The following C20orf203 variants were observed in gnomAD, a reference collection of about 807,000 sequenced individuals.
The protein encoded by C20orf203 is uncharacterized protein C20orf203.
A neutral mutation model predicts 15.9 loss-of-function variants in C20orf203; 16 were observed. That is an observed-to-expected ratio of 1.01 (90% CI 0.68 to 1.53). The LOEUF is 1.53. Ranked by LOEUF, C20orf203 falls within the 40% of genes most tolerant of loss-of-function variation. The probability of loss-of-function intolerance (pLI) is 0.00; values close to 1 mark genes in which losing one functional copy is unlikely to be tolerated. For missense variants in C20orf203, 263 were observed against 247.5 expected (o/e 1.06, Z -0.42); for synonymous variants, 98 against 97.2 (o/e 1.01, Z -0.05).
chr20:32,636,629 C>T (rs893175052), intron 5 of C20orf203, among the ~76,000 whole-genome samples: 1 of 152,206 alleles, frequency 6.6e-6, no homozygotes, highest in Non-Finnish European at 1.5e-5. Flanking sequence ...AAGACAGCCT[C>T]GTCCTCACAC....
intron 5 of C20orf203, among the ~76,000 whole-genome samples, chr20:32,635,608 G>T (rs1982117797): frequency 6.6e-6 from 1 of 151,556 alleles, no homozygotes. Context: ...TTGAGCCCAG[G>T]AGTTCAAGAC....
Position 32,650,285 on chromosome 20 carries a change from T to G in C20orf203, c.*147A>C. The G allele has an allele frequency of 1.6e-6, 1 of 635,186 alleles. No homozygotes were observed. Among genetic ancestry groups the G allele is most frequent in the Non-Finnish European group, 2.8e-6 (1 of 360,732 alleles). The allele number at this position is 635,186 out of a possible 1,614,324, so 39.3% of individuals were successfully genotyped here. ...CAAGCGCCGGTGCCCAGAATCTCCT[T>G]GAGGTTTCAGCTGGGCGTGCCGGGC... On this transcript the variant is annotated 3_prime_UTR_variant, in exon 4 of 6. Coordinates refer to ENST00000608990, the MANE Select transcript of C20orf203 (RefSeq NM_182584.4).
intron 1 of C20orf203, among the ~76,000 whole-genome samples, chr20:32,654,092 A>G (rs551133685): frequency 0.021 from 3,024 of 146,188 alleles, 116 homozygotes; most frequent in African/African-American, 0.07. Context: ...AAAAAAAAAA[A>G]AGAGAAAATC....
chr20:32,665,610 C>A (rs1982999736), intron 1 of C20orf203, among the ~76,000 whole-genome samples: 1 of 152,150 alleles, frequency 6.6e-6, no homozygotes, highest in Non-Finnish European at 1.5e-5. Context: ...CAGTGGAAAA[C>A]AACGCAAACC....
At chr20:32,672,949 A>G (rs1459133820) in intron 1 of C20orf203, among the ~76,000 whole-genome samples, 2 of 152,172 alleles carry the variant, frequency 1.3e-5, no homozygotes, top group Non-Finnish European at 2.9e-5. Flanking sequence ...GTAGGAAGGC[A>G]CTAGACTCGG....
At chr20:32,658,600 C>A (rs530366498) in intron 1 of C20orf203, among the ~76,000 whole-genome samples, 1 of 152,176 alleles carries the variant, frequency 6.6e-6, no homozygotes, top group East Asian at 1.9e-4. Context: ...ATCTATGATA[C>A]TCTTAATTTA....
chr20:32,645,118 C>G (rs1982388471), intron 4 of C20orf203, among the ~76,000 whole-genome samples: 1 of 152,136 alleles, frequency 6.6e-6, no homozygotes, highest in Non-Finnish European at 1.5e-5. Context: ...TGGCCCCTAA[C>G]AGCCTGGCCC....
At chr20:32,655,673 A>G (rs1250725546) in intron 1 of C20orf203, among the ~76,000 whole-genome samples, 1 of 152,184 alleles carries the variant, frequency 6.6e-6, no homozygotes, top group East Asian at 1.9e-4. Flanking sequence ...GACGCCTGTA[A>G]TCCCAGCTAC....
intron 1 of C20orf203, among the ~76,000 whole-genome samples, chr20:32,656,337 A>G (rs1280259408): frequency 2.6e-5 from 4 of 152,340 alleles, no homozygotes; most frequent in Non-Finnish European, 4.4e-5. Context: ...CAAAACCACA[A>G]TGAGATAGCA....
Position 32,634,147 on chromosome 20 carries a change from G to C in C20orf203, c.*1423C>G. Reference sequence around the variant, plus strand: ...ATGGCACTTGTTACCCAGAGACCCAGAGAGATGCAGCTCTGATGGAGATGG... The same window carrying C: ...ATGGCACTTGTTACCCAGAGACCCACAGAGATGCAGCTCTGATGGAGATGG... On this transcript the variant is annotated 3_prime_UTR_variant, in exon 6 of 6. Transcript: ENST00000608990. 2 of 398,656 alleles carry C rather than the reference G, an allele frequency of 5.0e-6. No homozygotes were observed. The highest frequency in any genetic ancestry group is 3.6e-5 in the East Asian group (1 of 28,084). 24.7% of individuals were successfully genotyped at this position (398,656 alleles called of 1,614,324 possible).
Position 32,649,307 on chromosome 20 carries a change from T to C in C20orf203, c.*1125A>G, listed in dbSNP as rs1046354426. 2 of 152,414 alleles carry C rather than the reference T, an allele frequency of 1.3e-5. No homozygotes were observed. The highest frequency in any genetic ancestry group is 2.9e-5 in the Non-Finnish European group (2 of 68,196). 9.4% of individuals were successfully genotyped at this position (152,414 alleles called of 1,614,324 possible). A position where few individuals can be genotyped will look rare whatever the true frequency, so the allele number is the denominator to read the frequency against. On this transcript the variant is annotated 3_prime_UTR_variant, in exon 4 of 6. Transcript: ENST00000608990. ...TGAGCCTGAGAGGTGGAGCCTGCTG[T>C]GAGCTGTGATTGCACCACTGCACTC...
chr20:32,662,940 GATATAA>G (rs948902592), intron 1 of C20orf203, among the ~76,000 whole-genome samples: 3 of 143,532 alleles, frequency 2.1e-5, no homozygotes, highest in African/African-American at 7.8e-5. Context: ...TAGATAGATA[GATATAA>G]ATATAGTTTT....
At chr20:32,666,155 T>TAAAAAAAAAAAAAAAAAAAG (rs1983016339) in intron 1 of C20orf203, among the ~76,000 whole-genome samples, 1 of 102,776 alleles carries the variant, frequency 9.7e-6, no homozygotes, top group Non-Finnish European at 1.9e-5. Context: ...ATAAATAAAG[T>TAAAAAAAAAAAAAAAAAAAG]AAAAAAAAAA....
At chr20:32,643,704 A>G (rs530346501) in intron 4 of C20orf203, among the ~76,000 whole-genome samples, 1 of 151,544 alleles carries the variant, frequency 6.6e-6, no homozygotes, top group Admixed American at 6.6e-5. Context: ...TGCAGTGAAG[A>G]GCTCTGTGGA....
intron 1 of C20orf203, among the ~76,000 whole-genome samples, chr20:32,652,878 G>A (rs1263878948): frequency 1.2e-4 from 19 of 152,114 alleles, no homozygotes; most frequent in East Asian, 1.9e-4. Context: ...AGCCTCAGGC[G>A]GCAACCCAAA....
intron 1 of C20orf203, among the ~76,000 whole-genome samples, chr20:32,652,265 G>C (rs1303836313): frequency 6.9e-6 from 1 of 145,950 alleles, no homozygotes; most frequent in East Asian, 2.0e-4. Context: ...AACTGAGATC[G>C]TGCCAGTGAG....
chr20:32,653,896 C>T (rs2145674311), intron 1 of C20orf203, among the ~76,000 whole-genome samples: 1 of 152,162 alleles, frequency 6.6e-6, no homozygotes, highest in Non-Finnish European at 1.5e-5. Context: ...AGTTTAAGAC[C>T]AGCCTGGCCA....
intron 1 of C20orf203, among the ~76,000 whole-genome samples, chr20:32,672,178 T>G (rs1983186225): frequency 6.6e-6 from 1 of 151,510 alleles, no homozygotes; most frequent in African/African-American, 2.4e-5. Context: ...TAGCTGGGCA[T>G]GGTGGTGGGC....
intron 1 of C20orf203, among the ~76,000 whole-genome samples, chr20:32,659,510 A>C (rs1982841146): frequency 1.3e-5 from 2 of 152,258 alleles, no homozygotes; most frequent in Non-Finnish European, 2.9e-5. Context: ...TTCATTGTAC[A>C]GATGAGCAAA....
Sources: allele counts gnomAD v4.1 joint callset (sites outside exome capture counted in the v4.1 genomes callset), GRCh38; gene constraint gnomAD v4.1.1; transcripts MANE v1.5; gene names NCBI Gene and HGNC (gene_info 2026-07-23, HGNC 2026-07-21).